DPYD: variants seen among roughly 807,000 people sequenced by gnomAD.
The protein encoded by DPYD is dihydropyrimidine dehydrogenase [NADP(+)].
Under a neutral mutation model 116.2 loss-of-function variants are expected in DPYD, and 109 were observed. The observed-to-expected ratio is 0.94, with a 90% confidence interval of 0.80 to 1.10. The LOEUF (loss-of-function observed/expected upper bound fraction) is 1.10. Ranked by LOEUF, DPYD falls within the 50% of genes least tolerant of loss-of-function variation. DPYD has a pLI of 0.00. For synonymous variants in DPYD, 440 were observed against 432.0 expected, an observed-to-expected ratio of 1.02 and a Z score of -0.23; for missense variants, 1,302 against 1,254.5, an observed-to-expected ratio of 1.04 and a Z score of -0.57.
At chr1:97,783,998 G>A (rs1666890189) in intron 3 of DPYD, among the ~76,000 whole-genome samples, 2 of 152,148 alleles carry the variant, frequency 1.3e-5, no homozygotes, top group African/African-American at 4.8e-5. Flanking sequence ...AATAAGCAGG[G>A]AGGAAACTAC....
At chr1:97,529,773 CTTTCTTT>C (rs1649448640) in intron 12 of DPYD, among the ~76,000 whole-genome samples, 1 of 106,438 alleles carries the variant, frequency 9.4e-6, no homozygotes, top group African/African-American at 4.5e-5. Flanking sequence ...TCTCTTTCTT[CTTTCTTT>C]CTCTTTTTCT....
chr1:97,229,217 A>G, intron 19 of DPYD, among the ~76,000 whole-genome samples: 1 of 142,994 alleles, frequency 7.0e-6, no homozygotes, highest in Non-Finnish European at 1.5e-5. Context: ...AAAAAAAAAA[A>G]AAGAAAAAAA....
intron 3 of DPYD, among the ~76,000 whole-genome samples, chr1:97,771,147 G>T (rs549139603): frequency 1.3e-5 from 2 of 151,942 alleles, no homozygotes; most frequent in African/African-American, 4.8e-5. Flanking sequence ...GTGAAACCCC[G>T]CCTCTACTAA....
chr1:97,753,969 T>C (rs1339591680), intron 3 of DPYD, among the ~76,000 whole-genome samples: 1 of 152,174 alleles, frequency 6.6e-6, no homozygotes, highest in African/African-American at 2.4e-5. Flanking sequence ...TTAAAACTAT[T>C]GTGTGGGACC....
intron 20 of DPYD, among the ~76,000 whole-genome samples, chr1:97,105,047 A>G (rs1400390979): frequency 1.3e-5 from 2 of 152,116 alleles, no homozygotes; most frequent in African/African-American, 4.8e-5. Context: ...ATTCAAAGGA[A>G]CTCAGATAAG....
At chr1:97,312,846 C>T (rs1460182767) in intron 16 of DPYD, among the ~76,000 whole-genome samples, 1 of 151,774 alleles carries the variant, frequency 6.6e-6, no homozygotes, top group Non-Finnish European at 1.5e-5. Flanking sequence ...TAAGTGTGTT[C>T]ATGCTAATAT....
At chr1:97,458,652 G>A (rs1676842582) in intron 13 of DPYD, among the ~76,000 whole-genome samples, 1 of 152,168 alleles carries the variant, frequency 6.6e-6, no homozygotes, top group Admixed American at 6.5e-5. Flanking sequence ...ATAGGACCAA[G>A]AAAGAGTGAT....
At chr1:97,372,628 C>A (rs1294474735) in intron 16 of DPYD, among the ~76,000 whole-genome samples, 2 of 152,050 alleles carry the variant, frequency 1.3e-5, no homozygotes, top group Non-Finnish European at 1.5e-5. Flanking sequence ...CTTTAAAATT[C>A]TTCCTGAATG....
intron 1 of DPYD, among the ~76,000 whole-genome samples, chr1:97,885,988 C>T (rs1672466679): frequency 6.6e-6 from 1 of 152,006 alleles, no homozygotes; most frequent in African/African-American, 2.4e-5. Context: ...GTAAGGACCT[C>T]TGCAGACTGA....
chr1:97,282,675 C>T (rs894077466), intron 18 of DPYD, among the ~76,000 whole-genome samples: 3 of 152,018 alleles, frequency 2.0e-5, no homozygotes, highest in African/African-American at 4.8e-5. Context: ...AGAATTTTGT[C>T]ACCTAGTTAA....
At chr1:97,326,065 G>A (rs2101137012) in intron 16 of DPYD, among the ~76,000 whole-genome samples, 1 of 151,722 alleles carries the variant, frequency 6.6e-6, no homozygotes, top group Middle Eastern at 3.4e-3. Context: ...AGAAAGAGAA[G>A]GTATGGCTAA....
At chr1:97,178,297 A>G (rs1339300594) in intron 20 of DPYD, among the ~76,000 whole-genome samples, 1 of 152,180 alleles carries the variant, frequency 6.6e-6, no homozygotes, top group Non-Finnish European at 1.5e-5. Flanking sequence ...AAATGAGTGT[A>G]TTAGTCCATT....
intron 18 of DPYD, 123 bp downstream of exon 18, chr1:97,305,136 T>C: frequency 7.2e-7 from 1 of 1,388,900 alleles, no homozygotes. Flanking sequence ...CTATTAGGAA[T>C]ATTGATCAGC....
intron 5 of DPYD, chr1:97,720,321 G>A (rs1557906662): frequency 1.0e-6 from 1 of 985,232 alleles, no homozygotes; most frequent in African/African-American, 1.8e-5. Context: ...AGCTTGCCCT[G>A]GTTTAATGAA....
intron 2 of DPYD, among the ~76,000 whole-genome samples, chr1:97,860,280 C>T (rs1168713144): frequency 6.6e-6 from 1 of 152,142 alleles, no homozygotes; most frequent in Non-Finnish European, 1.5e-5. Context: ...GAACAAGACC[C>T]TGTCTCTACA....
At chr1:97,099,621 C>A (rs1387253031) in intron 20 of DPYD, among the ~76,000 whole-genome samples, 5 of 152,004 alleles carry the variant, frequency 3.3e-5, no homozygotes, top group Admixed American at 2.6e-4. Flanking sequence ...CATAAGACTG[C>A]AAAAATACCC....
intron 2 of DPYD, among the ~76,000 whole-genome samples, chr1:97,873,806 A>G (rs990504620): frequency 6.6e-6 from 1 of 151,984 alleles, no homozygotes. Context: ...TAAATATTCA[A>G]TTGTTATTTA....
At chr1:97,543,812 C>T (rs1425746369) in intron 12 of DPYD, among the ~76,000 whole-genome samples, 1 of 152,118 alleles carries the variant, frequency 6.6e-6, no homozygotes, top group East Asian at 1.9e-4. Context: ...TACAGCAATA[C>T]ATAAACATGG....
chr1:97,603,745 C>A (rs1655408331), intron 8 of DPYD, among the ~76,000 whole-genome samples: 1 of 152,014 alleles, frequency 6.6e-6, no homozygotes, highest in Admixed American at 6.6e-5. Flanking sequence ...CACTGATAAC[C>A]CCTTTATCAG....
Sources: allele counts gnomAD v4.1 joint callset (sites outside exome capture counted in the v4.1 genomes callset), GRCh38; gene constraint gnomAD v4.1.1; transcripts MANE v1.5; gene names NCBI Gene and HGNC (gene_info 2026-07-23, HGNC 2026-07-21).